The following QTMAN variants were observed in gnomAD, a reference collection of about 807,000 sequenced individuals.
QTMAN encodes the protein tRNA-queuosine alpha-mannosyltransferase.
chr2:144,264,995 T>G, the QTMAN span, among the ~76,000 whole-genome samples: 16 of 152,216 alleles, frequency 1.1e-4, no homozygotes. Context: ...AAGAATCCTG[T>G]CTACAGGAAG....
the QTMAN span, among the ~76,000 whole-genome samples, chr2:144,136,395 A>AAAAGGAAAAGGAAAGGAAAGG: frequency 3.2e-4 from 31 of 97,448 alleles, no homozygotes; most frequent in South Asian, 7.5e-4. Context: ...AAGGAAAAGG[A>AAAAGGAAAAGGAAAGGAAAGG]AAAGGAAAGG....
At chr2:144,192,308 T>C in the QTMAN span, among the ~76,000 whole-genome samples, 1 of 152,082 alleles carries the variant, frequency 6.6e-6, no homozygotes, top group Non-Finnish European at 1.5e-5. Flanking sequence ...GGTTTTGTCA[T>C]GTTGGCCAGG....
the QTMAN span, among the ~76,000 whole-genome samples, chr2:144,274,151 T>C: frequency 6.6e-6 from 1 of 152,038 alleles, no homozygotes; most frequent in Admixed American, 6.6e-5. Flanking sequence ...AAGAAATATA[T>C]ATTTGTTCTC....
chr2:144,306,427 GTTAGCTGGTGAGGGCCTTCTTCC>G, the QTMAN span, among the ~76,000 whole-genome samples: 3 of 152,208 alleles, frequency 2.0e-5, no homozygotes, highest in Admixed American at 2.0e-4. Context: ...AGCCTATTCA[GTTAGCTGGTGAGGGCCTTCTTCC>G]TCACTTGTAG....
chr2:144,294,089 T>C, the QTMAN span, among the ~76,000 whole-genome samples: 2 of 152,232 alleles, frequency 1.3e-5, no homozygotes, highest in Non-Finnish European at 2.9e-5. Context: ...CCTAAGTTTG[T>C]ATACTAATTC....
chr2:144,001,261 A>T, the QTMAN span, among the ~76,000 whole-genome samples: 2 of 151,966 alleles, frequency 1.3e-5, no homozygotes, highest in African/African-American at 2.4e-5. Context: ...TTTTATATCA[A>T]TCATATATTT....
At chr2:144,086,608 C>T in the QTMAN span, among the ~76,000 whole-genome samples, 90 of 152,290 alleles carry the variant, frequency 5.9e-4, no homozygotes, top group East Asian at 0.017. Flanking sequence ...CCAATTTTAC[C>T]TTACCATACT....
the QTMAN span, among the ~76,000 whole-genome samples, chr2:144,258,829 G>T: frequency 6.6e-6 from 1 of 152,168 alleles, no homozygotes; most frequent in Admixed American, 6.5e-5. Flanking sequence ...ATTTTTGCAG[G>T]ATGGACATAG....
At chr2:144,147,602 A>G in the QTMAN span, among the ~76,000 whole-genome samples, 1 of 151,790 alleles carries the variant, frequency 6.6e-6, no homozygotes, top group Admixed American at 6.6e-5. Flanking sequence ...CCCTGACCAT[A>G]CATACTATTG....
the QTMAN span, among the ~76,000 whole-genome samples, chr2:144,310,005 A>T: frequency 6.7e-6 from 1 of 149,282 alleles, no homozygotes; most frequent in Admixed American, 6.8e-5. Context: ...TCAAGCTTTC[A>T]TTCTGAAAGA....
chr2:144,303,384 A>T, the QTMAN span, among the ~76,000 whole-genome samples: 2 of 152,174 alleles, frequency 1.3e-5, no homozygotes, highest in East Asian at 1.9e-4. Context: ...TGATTTATTT[A>T]AAAAAAGGTT....
chr2:144,002,578 A>T, the QTMAN span, among the ~76,000 whole-genome samples: 2 of 151,996 alleles, frequency 1.3e-5, no homozygotes, highest in Non-Finnish European at 2.9e-5. Flanking sequence ...TGTCTATGAG[A>T]TCAATGGTGA....
chr2:144,286,269 A>G, the QTMAN span, among the ~76,000 whole-genome samples: 1 of 152,224 alleles, frequency 6.6e-6, no homozygotes, highest in Non-Finnish European at 1.5e-5. Flanking sequence ...TGAGCAAAAT[A>G]TATGTTGTCC....
At chr2:144,097,073 G>A in the QTMAN span, among the ~76,000 whole-genome samples, 3 of 152,198 alleles carry the variant, frequency 2.0e-5, no homozygotes, top group South Asian at 6.2e-4. Flanking sequence ...GCTTTTAAGT[G>A]TGAATTGATA....
At chr2:144,018,531 A>T in the QTMAN span, among the ~76,000 whole-genome samples, 1 of 152,212 alleles carries the variant, frequency 6.6e-6, no homozygotes, top group Admixed American at 6.5e-5. Flanking sequence ...TACTTACTTC[A>T]GCTTTTCTAC....
At chr2:144,128,306 G>A in the QTMAN span, 1 of 152,078 alleles carries the variant, frequency 6.6e-6, no homozygotes, top group Non-Finnish European at 1.5e-5. Context: ...AGTTTTATAT[G>A]AGTAGCCCAG....
the QTMAN span, among the ~76,000 whole-genome samples, chr2:143,965,701 T>C: frequency 6.6e-6 from 1 of 152,172 alleles, no homozygotes; most frequent in Non-Finnish European, 1.5e-5. Context: ...CACCACCCCA[T>C]TGCACAACAG....
the QTMAN span, among the ~76,000 whole-genome samples, chr2:144,084,578 G>A: frequency 1.3e-5 from 2 of 152,124 alleles, no homozygotes; most frequent in African/African-American, 2.4e-5. Flanking sequence ...ATGCTTGTCC[G>A]CAAAAGTCAT....
At chr2:144,023,947 T>A in the QTMAN span, among the ~76,000 whole-genome samples, 1 of 152,240 alleles carries the variant, frequency 6.6e-6, no homozygotes, top group African/African-American at 2.4e-5. Flanking sequence ...ATCTGAACTG[T>A]CAATACATGC....
Sources: allele counts gnomAD v4.1 joint callset (sites outside exome capture counted in the v4.1 genomes callset), GRCh38; gene constraint gnomAD v4.1.1; transcripts MANE v1.5; gene names NCBI Gene and HGNC (gene_info 2026-07-23, HGNC 2026-07-21).